SH3RF1: variants seen among roughly 807,000 people sequenced by gnomAD.
SH3RF1 encodes the protein SH3 domain containing ring finger 1.
A neutral mutation model predicts 74.0 loss-of-function variants in SH3RF1; 32 were observed. The observed-to-expected ratio is 0.43, with a 90% CI of 0.33 to 0.58. SH3RF1 has a LOEUF of 0.58. Among genes scored for constraint, SH3RF1 ranks in the 20% least tolerant of loss-of-function variants. SH3RF1 has a pLI of 0.05. For missense variants in SH3RF1, 954 were observed against 1,130.9 expected, an observed-to-expected ratio of 0.84 and a Z score of 2.24; for synonymous variants, 396 against 439.6, an observed-to-expected ratio of 0.90 and a Z score of 1.24.
chr4:169,129,945 C>T (rs1733585156), intron 6 of SH3RF1, 101 bp downstream of exon 6: 9 of 852,452 alleles, frequency 1.1e-5, no homozygotes, highest in Middle Eastern at 2.2e-4. Flanking sequence ...CCTCACCTAA[C>T]AAGTATGAAC....
chr4:169,188,615 T>C (rs1734650447), intron 2 of SH3RF1, among the ~76,000 whole-genome samples: 1 of 152,362 alleles, frequency 6.6e-6, no homozygotes, highest in African/African-American at 2.4e-5. Flanking sequence ...ATCGTTGTAA[T>C]TCACTGAAAA....
At chr4:169,135,464 C>T (rs1280906012) in intron 5 of SH3RF1, among the ~76,000 whole-genome samples, 2 of 152,066 alleles carry the variant, frequency 1.3e-5, no homozygotes, top group African/African-American at 4.8e-5. Context: ...TTGTGACAGG[C>T]AGCTTTGAAC....
intron 5 of SH3RF1, among the ~76,000 whole-genome samples, chr4:169,131,707 G>A (rs1733624001): frequency 1.3e-5 from 2 of 152,182 alleles, no homozygotes; most frequent in South Asian, 2.1e-4. Flanking sequence ...TTTCTGAACC[G>A]CAGGTGGGAA....
At chr4:169,172,687 GT>G (rs1229843933) in intron 2 of SH3RF1, among the ~76,000 whole-genome samples, 1 of 152,178 alleles carries the variant, frequency 6.6e-6, no homozygotes, top group Non-Finnish European at 1.5e-5. Flanking sequence ...GGTTGCTAAG[GT>G]ATTGTTGGCT....
intron 2 of SH3RF1, among the ~76,000 whole-genome samples, chr4:169,249,568 G>A (rs1170382348): frequency 6.6e-6 from 1 of 152,206 alleles, no homozygotes; most frequent in Non-Finnish European, 1.5e-5. Context: ...AGATATAAGG[G>A]TATTCTCTAA....
chr4:169,103,770 A>G (rs1231363433), intron 11 of SH3RF1, among the ~76,000 whole-genome samples: 9 of 152,250 alleles, frequency 5.9e-5, no homozygotes, highest in Middle Eastern at 3.2e-3. Context: ...GGCTGTGGAA[A>G]GTTGGTCAGA....
chr4:169,190,638 G>A (rs1734686829), intron 2 of SH3RF1, among the ~76,000 whole-genome samples: 1 of 150,656 alleles, frequency 6.6e-6, no homozygotes, highest in Admixed American at 6.6e-5. Flanking sequence ...AATTCTACCA[G>A]ACATTCAAAG....
intron 2 of SH3RF1, among the ~76,000 whole-genome samples, chr4:169,188,576 G>A (rs569756795): frequency 6.6e-6 from 1 of 152,262 alleles, no homozygotes; most frequent in African/African-American, 2.4e-5. Context: ...CTTATTTACA[G>A]TATAAAAGCT....
chr4:169,106,724 C>G (rs1489331153), intron 11 of SH3RF1, 123 bp downstream of exon 11: 3 of 798,030 alleles, frequency 3.8e-6, no homozygotes, highest in Non-Finnish European at 5.7e-6. Context: ...TGCTTATTTT[C>G]ATAAGCTCAG....
At chr4:169,174,397 G>T (rs930810343) in intron 2 of SH3RF1, among the ~76,000 whole-genome samples, 1 of 152,126 alleles carries the variant, frequency 6.6e-6, no homozygotes, top group East Asian at 1.9e-4. Context: ...ATGAGGGCAC[G>T]AATCACCTGG....
intron 2 of SH3RF1, among the ~76,000 whole-genome samples, chr4:169,266,010 C>T (rs1181292205): frequency 2.0e-5 from 3 of 152,168 alleles, no homozygotes; most frequent in Non-Finnish European, 2.9e-5. Context: ...GTGTCCCTCT[C>T]CCTATGGCTC....
At position 169,198,665 on chromosome 4, in the gene SH3RF1, A is replaced by G. The variant is rs139850941; in HGVS notation, c.394-41986T>C. On this transcript the variant is annotated intron_variant, in intron 2 of 11. Coordinates refer to ENST00000284637, the MANE Select transcript of SH3RF1 (RefSeq NM_020870.4). The stretch of plus-strand genomic sequence containing the variant: ...CATGTATACATAAGTATATTAAGCA[A>G]AACGATTACTAAAGAGAATAAATAA... 2.6e-4 allele frequency among the ~76,000 whole-genome samples: 40 copies of G among 152,302 alleles called. No homozygotes were observed. The East Asian group carries it at 6.2e-3, about 23-fold the overall frequency.
rs765433563 is a variant in SH3RF1, at chr4:169,117,583, C to T, written c.1717G>A (p.Val573Ile). ...AHIQTSPQAK[V>I]LLHMTGQMTV... ...ATTTGCCCCGTCATGTGCAACAAGA[C>T]CTTAGCCTGAGGACTTGTCTGGATG... is the stretch of plus-strand genomic sequence containing the variant. The change falls in exon 9 of 12, where the codon GTC becomes ATC. Residue 573 changes from valine to isoleucine, a missense_variant. Coordinates refer to ENST00000284637, the MANE Select transcript of SH3RF1 (RefSeq NM_020870.4). The T allele has an allele frequency of 1.2e-6, 2 of 1,614,222 alleles. No homozygotes were observed. Among genetic ancestry groups the T allele is most frequent in the South Asian group, 2.2e-5 (2 of 91,080 alleles).
At chr4:169,238,009 G>C (rs1265343290) in intron 2 of SH3RF1, among the ~76,000 whole-genome samples, 2 of 152,006 alleles carry the variant, frequency 1.3e-5, no homozygotes, top group Non-Finnish European at 2.9e-5. Flanking sequence ...CCCTACACTT[G>C]ATGTCTCCTC....
intron 10 of SH3RF1, among the ~76,000 whole-genome samples, chr4:169,113,383 T>G (rs906572935): frequency 2.6e-5 from 4 of 152,220 alleles, no homozygotes; most frequent in Non-Finnish European, 5.9e-5. Context: ...GTGCTGGGAT[T>G]ACAGGTGTAA....
intron 2 of SH3RF1, among the ~76,000 whole-genome samples, chr4:169,232,932 C>T (rs568842310): frequency 1.3e-5 from 2 of 152,156 alleles, no homozygotes; most frequent in South Asian, 4.1e-4. Context: ...AATATCAAGC[C>T]TTCGTATGCA....
At chr4:169,196,266 C>A (rs1734810344) in intron 2 of SH3RF1, among the ~76,000 whole-genome samples, 1 of 152,198 alleles carries the variant, frequency 6.6e-6, no homozygotes, top group Non-Finnish European at 1.5e-5. Context: ...ACATCATCAA[C>A]AGGTTCTTGG....
rs1362889136 is a variant in SH3RF1 at position 169,269,029 on chromosome 4, C to G, written c.184G>C (p.Glu62Gln). 2 of 1,614,186 alleles carry G rather than the reference C, an allele frequency of 1.2e-6. No individual in the cohort carries two copies. Among genetic ancestry groups the G allele is most frequent in the South Asian group, 2.2e-5 (2 of 91,068 alleles). ...ACCAGCAAGATGTTACTGGGAAGCTCCTCGACACCCGAGCCAACAAGAGTC... is the reference window on the plus strand; with the variant it reads ...ACCAGCAAGATGTTACTGGGAAGCTGCTCGACACCCGAGCCAACAAGAGTC... ...CRTLVGSGVE[E>Q]LPSNILLVRL... The change falls in exon 2 of 12, where the codon GAG (glutamate) becomes CAG (glutamine). Residue 62 changes from glutamate (E) to glutamine (Q), a missense_variant. This residue lies in a region of SH3RF1 where 64 missense variants were observed against 101.9 expected (regional missense o/e 0.63). Coordinates refer to ENST00000284637, the MANE Select transcript of SH3RF1 (RefSeq NM_020870.4).
At chr4:169,246,957 T>C (rs943183401) in intron 2 of SH3RF1, among the ~76,000 whole-genome samples, 1 of 152,222 alleles carries the variant, frequency 6.6e-6, no homozygotes, top group Non-Finnish European at 1.5e-5. Context: ...GCAATAAAGT[T>C]CCATTCTGCA....
Sources: gnomAD v4.1 joint callset for allele counts (sites outside exome capture counted in the v4.1 genomes callset) on GRCh38, gnomAD v4.1.1 for gene constraint, gnomAD v4.1.1 regional missense constraint, MANE v1.5 for transcripts, NCBI Gene and HGNC (gene_info 2026-07-23, HGNC 2026-07-21) for gene names.